The following SNX29 variants were observed in gnomAD, a reference collection of about 807,000 sequenced individuals.
SNX29 encodes the protein sorting nexin 29.
Under a neutral mutation model 102.1 loss-of-function variants are expected in SNX29, and 78 were observed. The ratio of observed to expected loss-of-function variants is 0.76; its 90% CI spans 0.64 to 0.92. The LOEUF is 0.92. Ranked by LOEUF, SNX29 falls within the 40% of genes least tolerant of loss-of-function variation. The pLI, the probability that SNX29 is intolerant of heterozygous loss-of-function variation, is 0.00. For synonymous variants in SNX29, 580 were observed against 414.5 expected, an observed-to-expected ratio of 1.40 and a Z score of -4.85; for missense variants, 1,280 against 1,061.7, an observed-to-expected ratio of 1.21 and a Z score of -2.86.
At chr16:12,089,874 A>G (rs761489946) in intron 11 of SNX29, 4 of 390,138 alleles carry the variant, frequency 1.0e-5, no homozygotes, top group South Asian at 7.6e-5. Flanking sequence ...CCTCCCTTGT[A>G]CAGGCAGTGC....
intron 13 of SNX29, among the ~76,000 whole-genome samples, chr16:12,144,953 C>A (rs1445929611): frequency 1.3e-5 from 2 of 152,200 alleles, no homozygotes; most frequent in Non-Finnish European, 2.9e-5. Flanking sequence ...TATCTCCTGA[C>A]CTCGTGATCC....
At position 12,574,047 on chromosome 16, in the gene SNX29, G is replaced by A. The variant is rs138093059; in HGVS notation, c.*5418G>A. 5 of 195,306 alleles carry A rather than the reference G, an allele frequency of 2.6e-5. No individual in the cohort carries two copies. The highest frequency in any genetic ancestry group is 1.2e-4 in the Admixed American group (2 of 16,416). The allele number at this position is 195,306 out of a possible 1,614,324, so 12.1% of individuals were successfully genotyped here. A position where few individuals can be genotyped will look rare whatever the true frequency, so the allele number is the denominator to read the frequency against. ...ACATATCTAGAGTCTGATAGTCTGT[G>A]TGTACATAAGGTCTAGAAGTCTGTG... On this transcript the variant is annotated 3_prime_UTR_variant, in exon 21 of 21. Coordinates refer to ENST00000566228, the MANE Select transcript of SNX29 (RefSeq NM_032167.5).
At chr16:12,196,622 C>CTTTTTTTTTTTTTTTTTTTT (rs34779383) in intron 13 of SNX29, among the ~76,000 whole-genome samples, 6 of 129,664 alleles carry the variant, frequency 4.6e-5, no homozygotes, top group Non-Finnish European at 8.0e-5. Flanking sequence ...TTTCTTTTTT[C>CTTTTTTTTTTTTTTTTTTTT]TTTTTTTTTT....
chr16:11,989,041 C>T (rs1052243873), intron 1 of SNX29, among the ~76,000 whole-genome samples: 8 of 152,022 alleles, frequency 5.3e-5, no homozygotes, highest in Non-Finnish European at 1.0e-4. Context: ...GGTGTAATCT[C>T]AGCTTATTGC....
intron 1 of SNX29, among the ~76,000 whole-genome samples, chr16:11,994,140 A>G (rs1318561170): frequency 6.6e-6 from 1 of 152,180 alleles, no homozygotes; most frequent in Admixed American, 6.5e-5. Flanking sequence ...CAACAACAAC[A>G]AAACATTAAA....
At chr16:12,220,594 A>T (rs2941081) in intron 14 of SNX29, among the ~76,000 whole-genome samples, 36 of 152,150 alleles carry the variant, frequency 2.4e-4, no homozygotes, top group African/African-American at 5.5e-4. Flanking sequence ...TCTCCCCTGC[A>T]TGTTGCGTTG....
At chr16:12,438,033 A>G (rs1003524207) in intron 18 of SNX29, among the ~76,000 whole-genome samples, 1 of 151,408 alleles carries the variant, frequency 6.6e-6, no homozygotes, top group Non-Finnish European at 1.5e-5. Flanking sequence ...GCACACGTCC[A>G]CTCTTGGCCA....
intron 3 of SNX29, among the ~76,000 whole-genome samples, chr16:12,015,504 C>T (rs888955303): frequency 4.6e-5 from 7 of 150,854 alleles, no homozygotes; most frequent in Non-Finnish European, 8.8e-5. Context: ...TCCCAAAGTG[C>T]TGGGATTATA....
chr16:12,160,493 A>G (rs1156695069), intron 13 of SNX29, among the ~76,000 whole-genome samples: 1 of 152,180 alleles, frequency 6.6e-6, no homozygotes, highest in Non-Finnish European at 1.5e-5. Flanking sequence ...ATTCCTGTGA[A>G]ACATCTAGGA....
chr16:12,525,368 A>C (rs2076751149), intron 20 of SNX29, among the ~76,000 whole-genome samples: 1 of 152,078 alleles, frequency 6.6e-6, no homozygotes, highest in South Asian at 2.1e-4. Context: ...CATATTATGC[A>C]CTTAGAAAAT....
chr16:12,237,493 G>A (rs542701491), intron 14 of SNX29, among the ~76,000 whole-genome samples: 4 of 152,274 alleles, frequency 2.6e-5, no homozygotes, highest in Admixed American at 1.3e-4. Context: ...GGGCCTGGCC[G>A]GGTGCAGTGG....
At chr16:12,227,405 A>G (rs1213217755) in intron 14 of SNX29, among the ~76,000 whole-genome samples, 1 of 152,176 alleles carries the variant, frequency 6.6e-6, no homozygotes, top group Non-Finnish European at 1.5e-5. Context: ...GATGTTGCTC[A>G]TGTTTTATGG....
rs1014238903 is a variant in SNX29 at position 12,569,873 on chromosome 16, A to C, written c.*1244A>C. On this transcript the variant is annotated 3_prime_UTR_variant, in exon 21 of 21. Transcript: ENST00000566228. ...GATGTCGTGAAATGGACTATGCAAG[A>C]GTAAGTTTGTGTGTTTCGCCTTAAT... is the stretch of plus-strand genomic sequence containing the variant. 4.3e-6 allele frequency: 1 copy of C among 231,546 alleles called. No homozygotes were observed. The highest frequency in any genetic ancestry group is 8.6e-6 in the Non-Finnish European group (1 of 116,952). The allele number at this position is 231,546 out of a possible 1,614,324, so 14.3% of individuals were successfully genotyped here. A position where few individuals can be genotyped will look rare whatever the true frequency, so the allele number is the denominator to read the frequency against.
At position 12,403,343 on chromosome 16, in the gene SNX29, A is replaced by G. The variant is rs370284084; in HGVS notation, c.1956-105A>G. ...AAGTTGTCATAAATTGCTTGTGCAT[A>G]ATACCTCTTGGAGTAGAAAATTGTC... On this transcript the variant is annotated intron_variant, in intron 17 of 20. Coordinates refer to ENST00000566228, the MANE Select transcript of SNX29 (RefSeq NM_032167.5). 8.7e-6 allele frequency: 10 copies of G among 1,147,636 alleles called. No homozygotes were observed. The East Asian group carries it at 2.6e-4, about 30-fold the overall frequency. 71.1% of individuals were successfully genotyped at this position (1,147,636 alleles called of 1,614,324 possible).
At chr16:12,500,873 G>T (rs2089086921) in intron 19 of SNX29, among the ~76,000 whole-genome samples, 1 of 152,170 alleles carries the variant, frequency 6.6e-6, no homozygotes, top group African/African-American at 2.4e-5. Flanking sequence ...ACCCTTTCCT[G>T]TCTCCTTCCT....
At chr16:12,065,972 G>C (rs1315202341) in intron 9 of SNX29, among the ~76,000 whole-genome samples, 2 of 152,194 alleles carry the variant, frequency 1.3e-5, no homozygotes, top group East Asian at 1.9e-4. Flanking sequence ...TTAAGGATGA[G>C]ACGGTCTATG....
chr16:12,194,698 C>G (rs2076727189), intron 13 of SNX29, among the ~76,000 whole-genome samples: 1 of 148,314 alleles, frequency 6.7e-6, no homozygotes, highest in South Asian at 2.2e-4. Context: ...GTGATCTTGG[C>G]TCAGTGCAAC....
intron 18 of SNX29, among the ~76,000 whole-genome samples, chr16:12,441,126 C>T (rs1397277647): frequency 6.3e-5 from 9 of 141,922 alleles, no homozygotes; most frequent in African/African-American, 1.3e-4. Context: ...GAGTTTCTGT[C>T]GCCCAGGCTA....
chr16:12,559,780 C>T (rs959883383), intron 20 of SNX29, among the ~76,000 whole-genome samples: 38 of 152,152 alleles, frequency 2.5e-4, no homozygotes, highest in African/African-American at 7.0e-4. Flanking sequence ...AAGCATTACA[C>T]AGCACCTTCG....
Sources: gnomAD v4.1 joint callset for allele counts (sites outside exome capture counted in the v4.1 genomes callset) on GRCh38, gnomAD v4.1.1 for gene constraint, MANE v1.5 for transcripts, NCBI Gene and HGNC (gene_info 2026-07-23, HGNC 2026-07-21) for gene names.